Variants in MYT1L observed in about 807,000 individuals in gnomAD.
MYT1L encodes myelin transcription factor 1-like protein.
Under a neutral mutation model 126.7 loss-of-function variants are expected in MYT1L, and 12 were observed. The observed-to-expected ratio is 0.09, with a 90% CI of 0.06 to 0.15. MYT1L has a LOEUF of 0.15. Ranked by LOEUF, MYT1L falls within the 10% of genes least tolerant of loss-of-function variation. The pLI is 1.00. For synonymous variants in MYT1L, 541 were observed against 604.2 expected (o/e 0.90, Z 1.53); for missense variants, 979 against 1,585.2 (o/e 0.62, Z 6.49).
chr2:2,037,409 C>T (rs2066981498), intron 4 of MYT1L, among the ~76,000 whole-genome samples: 1 of 151,346 alleles, frequency 6.6e-6, no homozygotes, highest in Non-Finnish European at 1.5e-5. Context: ...TGGTGGTTCT[C>T]TTGTCCAGGA....
intron 3 of MYT1L, among the ~76,000 whole-genome samples, chr2:2,113,188 A>G (rs2079706326): frequency 6.6e-6 from 1 of 152,208 alleles, no homozygotes; most frequent in African/African-American, 2.4e-5. Context: ...AAAACCAACT[A>G]TTGCTTTATG....
At chr2:1,842,866 A>AGCTTCCAGGCGCTTCCGCTTCCAGGC (rs1236142308) in intron 19 of MYT1L, 2 of 85,194 alleles carry the variant, frequency 2.3e-5, no homozygotes, top group African/African-American at 5.3e-5. Flanking sequence ...TCGTCTGTCC[A>AGCTTCCAGGCGCTTCCGCTTCCAGGC]GCTTCCGCTT....
At chr2:2,032,902 G>C (rs377749635) in intron 4 of MYT1L, among the ~76,000 whole-genome samples, 86 of 141,604 alleles carry the variant, frequency 6.1e-4, no homozygotes, top group African/African-American at 2.3e-3. Flanking sequence ...ACCCAGAGCA[G>C]ATTCTAGAAG....
Position 1,848,440 on chromosome 2 carries a change from G to A in MYT1L, c.2774+3201C>T, listed in dbSNP as rs1247230102. ...TGAACAGGTTCAGGATCATTGTTTG[G>A]TGACTTCCCCTCTCACAACAGCCCA... On this transcript the variant is annotated intron_variant, in intron 19 of 24. Transcript: ENST00000647738. The surrounding 1 kb of genome is among the most constrained non-coding windows in gnomAD (Gnocchi z 4.8). 6.6e-6 allele frequency among the ~76,000 whole-genome samples: 1 copy of A among 152,078 alleles called. No homozygotes were observed.
chr2:1,923,561 T>C (rs1380485768), intron 9 of MYT1L, among the ~76,000 whole-genome samples: 1 of 152,274 alleles, frequency 6.6e-6, no homozygotes, highest in Non-Finnish European at 1.5e-5. Flanking sequence ...TTTTGTATTT[T>C]TCATACATTT....
intron 1 of MYT1L, among the ~76,000 whole-genome samples, chr2:2,286,226 C>T (rs183364588): frequency 1.2e-3 from 180 of 152,256 alleles, no homozygotes; most frequent in Non-Finnish European, 2.0e-3. Flanking sequence ...CGTGATCCAC[C>T]GACCTCAGCC....
chr2:2,099,908 C>T (rs970170678), intron 3 of MYT1L, among the ~76,000 whole-genome samples: 1 of 152,184 alleles, frequency 6.6e-6, no homozygotes, highest in Non-Finnish European at 1.5e-5. Flanking sequence ...TATTAACATA[C>T]AGGCTAGGCT....
At chr2:1,988,286 C>A (rs909452691) in intron 5 of MYT1L, among the ~76,000 whole-genome samples, 1 of 152,170 alleles carries the variant, frequency 6.6e-6, no homozygotes, top group Non-Finnish European at 1.5e-5. Flanking sequence ...CCCATTCCTG[C>A]GGAGCGCCGG....
chr2:2,274,126 T>C (rs1393295024), intron 2 of MYT1L, among the ~76,000 whole-genome samples: 2 of 152,038 alleles, frequency 1.3e-5, no homozygotes, highest in Non-Finnish European at 2.9e-5. Flanking sequence ...TGTTTCAAAA[T>C]AGCTAGAAAA....
At chr2:1,938,507 A>G (rs996199900) in intron 9 of MYT1L, among the ~76,000 whole-genome samples, 1 of 152,238 alleles carries the variant, frequency 6.6e-6, no homozygotes, top group Middle Eastern at 3.2e-3. Flanking sequence ...TATAATAAAT[A>G]TAACTTTGCT....
chr2:2,128,243 C>T lies in MYT1L; in HGVS notation c.-304+44629G>A, dbSNP rs1294640335. Among the ~76,000 whole-genome samples, 3 of 152,252 alleles carry T rather than the reference C, an allele frequency of 2.0e-5. No homozygotes were observed. The South Asian group carries it at 6.2e-4, about 32-fold the overall frequency. ...CTCAGTGCAATCTCCACCTCCCATT[C>T]TCAAGTGATTCTCCTGCCTCAGCCT... On this transcript the variant is annotated intron_variant, in intron 3 of 24. Transcript: ENST00000647738.
chr2:2,131,643 G>T (rs2082365263), intron 3 of MYT1L, among the ~76,000 whole-genome samples: 2 of 152,086 alleles, frequency 1.3e-5, no homozygotes, highest in Admixed American at 6.5e-5. Flanking sequence ...TGGGGCCATG[G>T]ACACAATATA....
At chr2:2,010,591 A>C (rs1340423563) in intron 4 of MYT1L, among the ~76,000 whole-genome samples, 1 of 152,066 alleles carries the variant, frequency 6.6e-6, no homozygotes, top group Non-Finnish European at 1.5e-5. Context: ...CATGGCTGCT[A>C]CTACCCAGTG....
chr2:1,860,873 C>T (rs1232311666), intron 18 of MYT1L, among the ~76,000 whole-genome samples: 3 of 152,094 alleles, frequency 2.0e-5, no homozygotes, highest in Non-Finnish European at 4.4e-5. Context: ...ACTGCCTCGA[C>T]AGCACCAATT....
At chr2:1,866,104 C>T (rs140186448) in intron 18 of MYT1L, among the ~76,000 whole-genome samples, 146 of 152,162 alleles carry the variant, frequency 9.6e-4, no homozygotes, top group African/African-American at 3.3e-3. Context: ...TGGAGCAGCT[C>T]GAAGCATCCA....
chr2:2,049,207 A>G (rs2068530567), intron 4 of MYT1L, among the ~76,000 whole-genome samples: 1 of 152,216 alleles, frequency 6.6e-6, no homozygotes, highest in South Asian at 2.1e-4. Context: ...ATGACTATAA[A>G]GTTATATTAA....
At position 2,294,157 on chromosome 2, in the gene MYT1L, A is replaced by G. The variant is rs1175492313; in HGVS notation, c.-520-9654T>C. On this transcript the variant is annotated intron_variant, in intron 1 of 24. Transcript: ENST00000647738. The stretch of plus-strand genomic sequence containing the variant: ...ACCCTGAGGAATGAGGAACATGAGA[A>G]TGGCCGAGAGACAAGCATGGTTGGT... 3.9e-5 allele frequency among the ~76,000 whole-genome samples: 6 copies of G among 152,340 alleles called. No homozygotes were observed. In the South Asian group the frequency reaches 1.0e-3, roughly 26 times the overall value.
chr2:1,844,350 G>A (rs1054271011), intron 19 of MYT1L, among the ~76,000 whole-genome samples: 1 of 152,102 alleles, frequency 6.6e-6, no homozygotes, highest in South Asian at 2.1e-4. Flanking sequence ...ACAAGGGAAC[G>A]TTTCCCTACC....
intron 3 of MYT1L, among the ~76,000 whole-genome samples, chr2:2,102,201 T>A (rs926425413): frequency 1.3e-5 from 2 of 152,214 alleles, no homozygotes; most frequent in Admixed American, 1.3e-4. Flanking sequence ...ATTATATATG[T>A]TTTGGCAAGA....
Sources: gnomAD v4.1 joint callset for allele counts (sites outside exome capture counted in the v4.1 genomes callset) on GRCh38, gnomAD v4.1.1 for gene constraint, Gnocchi (gnomAD v3.1) non-coding constraint, MANE v1.5 for transcripts, NCBI Gene and HGNC (gene_info 2026-07-23, HGNC 2026-07-21) for gene names.